The following KCNJ3 variants were observed in gnomAD, a reference collection of about 807,000 sequenced individuals.
KCNJ3 encodes G protein-activated inward rectifier potassium channel 1.
KCNJ3 carries 4 observed loss-of-function variants against 39.2 expected under a neutral mutation model. The observed-to-expected ratio is 0.10, with a 90% CI of 0.05 to 0.23. The LOEUF (loss-of-function observed/expected upper bound fraction) is 0.23. Among genes scored for constraint, KCNJ3 ranks in the 10% least tolerant of loss-of-function variants. The pLI is 1.00. For synonymous variants in KCNJ3, 230 were observed against 237.4 expected (o/e 0.97, Z 0.29); for missense variants, 276 against 634.9 (o/e 0.43, Z 6.08).
intron 2 of KCNJ3, among the ~76,000 whole-genome samples, chr2:154,850,470 A>C (rs1417189412): frequency 6.6e-6 from 1 of 152,176 alleles, no homozygotes; most frequent in African/African-American, 2.4e-5. Flanking sequence ...TAACTTTTGC[A>C]AAAAGAAGTA....
At chr2:154,758,954 T>G (rs1398204544) in intron 2 of KCNJ3, among the ~76,000 whole-genome samples, 2 of 152,200 alleles carry the variant, frequency 1.3e-5, no homozygotes. Flanking sequence ...ATTTCAAGTT[T>G]GCTTCTCAGG....
chr2:154,825,552 ATTT>A (rs1687256580), intron 2 of KCNJ3, among the ~76,000 whole-genome samples: 2 of 141,904 alleles, frequency 1.4e-5, no homozygotes, highest in East Asian at 4.0e-4. Flanking sequence ...TTATTTATTT[ATTT>A]ATTTATTTAT....
At chr2:154,805,186 A>C (rs1037440104) in intron 2 of KCNJ3, among the ~76,000 whole-genome samples, 2 of 152,104 alleles carry the variant, frequency 1.3e-5, no homozygotes, top group Admixed American at 6.6e-5. Flanking sequence ...CAGAAAAAAA[A>C]CAGGTTTTTT....
chr2:154,699,450 C>A lies in KCNJ3; in HGVS notation c.675C>A (p.Ser225=). The A allele has an allele frequency of 6.3e-7, 1 of 1,597,388 alleles. No homozygotes were observed. The highest frequency in any genetic ancestry group is 8.5e-7 in the Non-Finnish European group (1 of 1,178,158). The change falls in exon 1 of 3, where the codon TCC becomes TCA. Residue 225 remains serine (S), a synonymous_variant. Coordinates refer to ENST00000295101, the MANE Select transcript of KCNJ3 (RefSeq NM_002239.4). The surrounding 1 kb of genome is among the most constrained non-coding windows in gnomAD (Gnocchi z 6.4). ...VGNLRNSHMV[S]AQIRCKLLKS... ...ACCTGCGCAACAGCCACATGGTCTCCGCGCAGATTCGCTGCAAGCTGCTCA... is the reference window on the plus strand; with the variant it reads ...ACCTGCGCAACAGCCACATGGTCTCAGCGCAGATTCGCTGCAAGCTGCTCA...
chr2:154,722,077 G>A (rs1327170052), intron 2 of KCNJ3, among the ~76,000 whole-genome samples: 2 of 152,046 alleles, frequency 1.3e-5, no homozygotes, highest in Non-Finnish European at 2.9e-5. Context: ...AGGGAGGCAA[G>A]TCAATAGATT....
chr2:154,832,439 G>T (rs1334654380), intron 2 of KCNJ3, among the ~76,000 whole-genome samples: 2 of 152,084 alleles, frequency 1.3e-5, no homozygotes, highest in Non-Finnish European at 2.9e-5. Flanking sequence ...GATGGTGATG[G>T]AAACATTTCT....
intron 2 of KCNJ3, among the ~76,000 whole-genome samples, chr2:154,806,740 C>T (rs926296682): frequency 1.3e-5 from 2 of 152,176 alleles, no homozygotes; most frequent in African/African-American, 4.8e-5. Flanking sequence ...CACTAACCTA[C>T]ACTATTTACC....
chr2:154,810,184 G>A (rs1338938060), intron 2 of KCNJ3, among the ~76,000 whole-genome samples: 1 of 152,138 alleles, frequency 6.6e-6, no homozygotes, highest in East Asian at 1.9e-4. Context: ...CTGGGCTCAA[G>A]TGATCCTCCC....
chr2:154,844,891 C>T lies in KCNJ3; in HGVS notation c.920-9836C>T, dbSNP rs941233456. Among the ~76,000 whole-genome samples the T allele has an allele frequency of 4.6e-5, 7 of 152,288 alleles. No individual in the cohort carries two copies. In the South Asian group the frequency reaches 1.0e-3, roughly 23 times the overall value. Reference sequence around the variant, plus strand: ...CTAGGAAAGGGAAATCCCCAGACCCCTTGTGCTTCCTGGGTGAGGCGACGC... The same window carrying T: ...CTAGGAAAGGGAAATCCCCAGACCCTTTGTGCTTCCTGGGTGAGGCGACGC... On this transcript the variant is annotated intron_variant, in intron 2 of 2. Coordinates refer to ENST00000295101, the MANE Select transcript of KCNJ3 (RefSeq NM_002239.4).
At chr2:154,713,259 A>G (rs1234928819) in intron 2 of KCNJ3, among the ~76,000 whole-genome samples, 1 of 152,160 alleles carries the variant, frequency 6.6e-6, no homozygotes, top group Admixed American at 6.5e-5. Flanking sequence ...TTTAAAAATT[A>G]GTCATTCTGA....
chr2:154,825,702 A>G (rs1687259790), intron 2 of KCNJ3, among the ~76,000 whole-genome samples: 1 of 151,666 alleles, frequency 6.6e-6, no homozygotes, highest in Admixed American at 6.6e-5. Flanking sequence ...TCAGCATCCC[A>G]AATACCGGGG....
At position 154,855,319 on chromosome 2, in the gene KCNJ3, C is replaced by A. The variant is rs188542706; in HGVS notation, c.*6C>A. On this transcript the variant is annotated 3_prime_UTR_variant, in exon 3 of 3. Transcript: ENST00000295101. ...ACTCTGATCGCTTCACATAACAAAG[C>A]ACTCCCTTAGGCATTATTTAATGTT... The A allele has an allele frequency of 6.4e-7, 1 of 1,566,630 alleles. No individual in the cohort carries two copies. Among genetic ancestry groups the A allele is most frequent in the Non-Finnish European group, 8.7e-7 (1 of 1,148,878 alleles).
At chr2:154,821,159 T>C (rs990043800) in intron 2 of KCNJ3, among the ~76,000 whole-genome samples, 2 of 152,188 alleles carry the variant, frequency 1.3e-5, no homozygotes, top group African/African-American at 4.8e-5. Context: ...TCATTAGACA[T>C]TGACAGTTTT....
At chr2:154,807,012 T>C (rs575011620) in intron 2 of KCNJ3, among the ~76,000 whole-genome samples, 13 of 152,316 alleles carry the variant, frequency 8.5e-5, no homozygotes, top group African/African-American at 3.1e-4. Flanking sequence ...TAAATGCCTC[T>C]GTTTCCATAA....
chr2:154,835,888 A>ATATC (rs1687451005), intron 2 of KCNJ3, among the ~76,000 whole-genome samples: 1 of 152,190 alleles, frequency 6.6e-6, no homozygotes, highest in Non-Finnish European at 1.5e-5. Context: ...AGAGAATTTT[A>ATATC]TATCTAGACC....
intron 2 of KCNJ3, among the ~76,000 whole-genome samples, chr2:154,788,759 G>C (rs529360057): frequency 2.0e-5 from 3 of 150,314 alleles, no homozygotes; most frequent in Admixed American, 6.6e-5. Context: ...ATATCAGTAT[G>C]TGAGTGTGAG....
At chr2:154,839,508 A>G (rs1396088869) in intron 2 of KCNJ3, among the ~76,000 whole-genome samples, 5 of 152,198 alleles carry the variant, frequency 3.3e-5, no homozygotes, top group Non-Finnish European at 5.9e-5. Flanking sequence ...AGAAATTGCC[A>G]CACTGTCTTC....
chr2:154,837,475 CTTTTAT>C (rs1330358413), intron 2 of KCNJ3, among the ~76,000 whole-genome samples: 1 of 151,864 alleles, frequency 6.6e-6, no homozygotes, highest in Non-Finnish European at 1.5e-5. Context: ...AATTATATTC[CTTTTAT>C]TTTTATTTGT....
intron 1 of KCNJ3, among the ~76,000 whole-genome samples, chr2:154,703,690 T>C (rs921512040): frequency 1.3e-5 from 2 of 152,112 alleles, no homozygotes; most frequent in Non-Finnish European, 2.9e-5. Flanking sequence ...TTTTCTCATA[T>C]ATTTATAGGT....
Sources: allele counts gnomAD v4.1 joint callset (sites outside exome capture counted in the v4.1 genomes callset), GRCh38; gene constraint gnomAD v4.1.1; non-coding constraint Gnocchi (gnomAD v3.1); transcripts MANE v1.5; gene names NCBI Gene and HGNC (gene_info 2026-07-23, HGNC 2026-07-21).